ADARB2: variants seen among roughly 807,000 people sequenced by gnomAD.
ADARB2 encodes inactive double-stranded RNA-specific editase B2.
ADARB2 carries 25 observed loss-of-function variants against 62.2 expected under a neutral mutation model. That is an observed-to-expected ratio of 0.40 (90% CI 0.29 to 0.56). The LOEUF is 0.56. Among genes scored for constraint, ADARB2 ranks in the 20% least tolerant of loss-of-function variants. The pLI is 0.43. For synonymous variants in ADARB2, 572 were observed against 500.8 expected, an observed-to-expected ratio of 1.14 and a Z score of -1.90; for missense variants, 1,071 against 1,077.4, an observed-to-expected ratio of 0.99 and a Z score of 0.08.
chr10:1,696,145 A>G (rs1368502352), intron 1 of ADARB2, among the ~76,000 whole-genome samples: 1 of 49,226 alleles, frequency 2.0e-5, no homozygotes. Context: ...ACACATGTAT[A>G]TTGTGTGTAT....
intron 1 of ADARB2, among the ~76,000 whole-genome samples, chr10:1,524,210 A>C (rs1372911560): frequency 1.3e-5 from 2 of 152,184 alleles, no homozygotes; most frequent in Non-Finnish European, 2.9e-5. Context: ...TTATAATACA[A>C]TGAATGTATT....
At chr10:1,578,074 C>T (rs566436537) in intron 1 of ADARB2, among the ~76,000 whole-genome samples, 22 of 152,282 alleles carry the variant, frequency 1.4e-4, no homozygotes, top group Non-Finnish European at 2.8e-4. Context: ...ACCCCATCTG[C>T]GGGGCTTCTT....
intron 1 of ADARB2, among the ~76,000 whole-genome samples, chr10:1,436,841 T>C (rs1253952146): frequency 6.6e-6 from 1 of 152,210 alleles, no homozygotes; most frequent in African/African-American, 2.4e-5. Context: ...AGGAGAATAT[T>C]CTTCTCAAAG....
At chr10:1,269,191 C>G (rs561454130) in intron 4 of ADARB2, among the ~76,000 whole-genome samples, 1 of 151,924 alleles carries the variant, frequency 6.6e-6, no homozygotes, top group Non-Finnish European at 1.5e-5. Flanking sequence ...AAATCTGTAG[C>G]AGAAATCTGT....
chr10:1,401,581 G>A (rs1328790826), intron 1 of ADARB2, among the ~76,000 whole-genome samples: 1 of 152,192 alleles, frequency 6.6e-6, no homozygotes, highest in Non-Finnish European at 1.5e-5. Context: ...ATGGGAGCTC[G>A]CATGCTGTGA....
intron 1 of ADARB2, among the ~76,000 whole-genome samples, chr10:1,508,944 G>T (rs1831885844): frequency 6.6e-6 from 1 of 152,198 alleles, no homozygotes; most frequent in Admixed American, 6.5e-5. Context: ...CAGGTGAGAA[G>T]TCGTCTGGCC....
At chr10:1,227,342 C>A (rs944982642) in intron 6 of ADARB2, among the ~76,000 whole-genome samples, 2 of 152,196 alleles carry the variant, frequency 1.3e-5, no homozygotes, top group African/African-American at 4.8e-5. Context: ...ATTCCATGAC[C>A]CCTTGCGCTT....
At chr10:1,397,779 G>C (rs12761061) in intron 1 of ADARB2, among the ~76,000 whole-genome samples, 10 of 67,744 alleles carry the variant, frequency 1.5e-4, no homozygotes, top group East Asian at 4.4e-4. Context: ...CTCCCGAGTG[G>C]AGGCTTCCTG....
intron 1 of ADARB2, among the ~76,000 whole-genome samples, chr10:1,616,622 T>C: frequency 6.9e-6 from 1 of 145,400 alleles, no homozygotes; most frequent in Non-Finnish European, 1.5e-5. Flanking sequence ...GGTTGCATTC[T>C]GTCGCTAGAT....
At chr10:1,227,109 G>C (rs188913771) in intron 6 of ADARB2, among the ~76,000 whole-genome samples, 1 of 152,222 alleles carries the variant, frequency 6.6e-6, no homozygotes, top group Non-Finnish European at 1.5e-5. Context: ...CGGCAATGGC[G>C]GGCGCCCCTC....
chr10:1,720,887 G>C (rs59635733), intron 1 of ADARB2, among the ~76,000 whole-genome samples: 2 of 152,152 alleles, frequency 1.3e-5, no homozygotes, highest in African/African-American at 4.8e-5. Context: ...CCACTGGCTC[G>C]CTGCAGTGCT....
intron 1 of ADARB2, among the ~76,000 whole-genome samples, chr10:1,396,959 G>C (rs3001048): frequency 0.053 from 2,630 of 49,248 alleles, 8 homozygotes; most frequent in Non-Finnish European, 0.085. Context: ...CTCCCGAGTG[G>C]AGGCTTCCTG....
intron 1 of ADARB2, among the ~76,000 whole-genome samples, chr10:1,719,200 G>C (rs940768224): frequency 1.3e-5 from 2 of 152,126 alleles, no homozygotes; most frequent in African/African-American, 4.8e-5. Flanking sequence ...CTGACCTCAG[G>C]TGATTGGCTC....
intron 1 of ADARB2, among the ~76,000 whole-genome samples, chr10:1,504,692 G>C (rs1831814328): frequency 6.6e-6 from 1 of 152,174 alleles, no homozygotes; most frequent in Non-Finnish European, 1.5e-5. Context: ...GTGACAAAAG[G>C]AGAAAAACAA....
In ADARB2 at chr10:1,200,084, C is replaced by G. The variant is rs1345739107; in HGVS notation, c.1746G>C (p.Gln582His). The change falls in exon 8 of 10, where the codon CAG becomes CAC. Residue 582 changes from glutamine to histidine, a missense_variant. Transcript: ENST00000381312. ...GGTGCAGGCTGCCCACCACGATGCT[C>G]TGCAGGTACACGGGCTCCACGAAGT... ...LSHFVEPVYL[Q>H]SIVVGSLHHT... 6.4e-7 allele frequency: 1 copy of G among 1,574,696 alleles called. No homozygotes were observed. Among genetic ancestry groups the G allele is most frequent in the East Asian group, 2.4e-5 (1 of 42,534 alleles).
intron 4 of ADARB2, among the ~76,000 whole-genome samples, chr10:1,247,504 A>G (rs989210459): frequency 1.3e-5 from 2 of 152,166 alleles, no homozygotes; most frequent in Non-Finnish European, 2.9e-5. Context: ...GATACGTCCC[A>G]TTAATGAAGA....
chr10:1,324,499 A>G (rs1831825527), intron 3 of ADARB2, among the ~76,000 whole-genome samples: 1 of 152,212 alleles, frequency 6.6e-6, no homozygotes, highest in African/African-American at 2.4e-5. Context: ...GTTCTTTCAC[A>G]GGTTAATGCT....
intron 1 of ADARB2, among the ~76,000 whole-genome samples, chr10:1,600,654 T>A (rs1281430571): frequency 1.9e-5 from 2 of 105,720 alleles, no homozygotes; most frequent in Non-Finnish European, 3.6e-5. Flanking sequence ...AGAGTGAGAC[T>A]CTGTCTCAAA....
intron 4 of ADARB2, among the ~76,000 whole-genome samples, chr10:1,259,214 G>A (rs1831110239): frequency 6.6e-6 from 1 of 152,094 alleles, no homozygotes; most frequent in South Asian, 2.1e-4. Flanking sequence ...TCTGAAATTG[G>A]CACCCTAACA....
Sources: allele counts gnomAD v4.1 joint callset (sites outside exome capture counted in the v4.1 genomes callset), GRCh38; gene constraint gnomAD v4.1.1; transcripts MANE v1.5; gene names NCBI Gene and HGNC (gene_info 2026-07-23, HGNC 2026-07-21).